DTX2: variants seen among roughly 807,000 people sequenced by gnomAD.
DTX2 encodes deltex E3 ubiquitin ligase 2, also known as probable E3 ubiquitin-protein ligase DTX2.
Under a neutral mutation model 55.3 loss-of-function variants are expected in DTX2, and 29 were observed. The observed-to-expected ratio is 0.52, with a 90% CI of 0.39 to 0.71. The LOEUF is 0.71. Ranked by LOEUF, DTX2 falls within the 30% of genes least tolerant of loss-of-function variation. The pLI is 0.00. For missense variants in DTX2, 537 were observed against 822.5 expected (o/e 0.65, Z 4.25); for synonymous variants, 276 against 340.4 (o/e 0.81, Z 2.08).
intron 2 of DTX2, chr7:76,474,496 ATCT>A (rs1237379892): frequency 1.3e-5 from 2 of 152,176 alleles, no homozygotes; most frequent in African/African-American, 4.8e-5. Flanking sequence ...AGTAGCTTTC[ATCT>A]TCTCTCGGGA....
In DTX2 at chr7:76,505,605, C is replaced by T. The variant is rs769059523; in HGVS notation, c.*4C>T. 5.6e-5 allele frequency: 85 copies of T among 1,529,494 alleles called. No homozygotes were observed. The highest frequency in any genetic ancestry group is 9.8e-5 in the East Asian group (4 of 40,912). The allele number at this position is 1,529,494 out of a possible 1,614,324, so 94.7% of individuals were successfully genotyped here. A position where few individuals can be genotyped will look rare whatever the true frequency, so the allele number is the denominator to read the frequency against. On this transcript the variant is annotated 3_prime_UTR_variant, in exon 11 of 11. Coordinates refer to ENST00000430490, the MANE Select transcript of DTX2 (RefSeq NM_001102594.3). This position sits in a 1 kb window ranked among gnomAD's most constrained non-coding sequence, Gnocchi z 4.4. ...GGACTGCCTGGAGCAGCAGTGACCTCGCACCCCAGCACGCCCGCCTCTGGT... is the reference window on the plus strand; with the variant it reads ...GGACTGCCTGGAGCAGCAGTGACCTTGCACCCCAGCACGCCCGCCTCTGGT...
At chr7:76,466,622 A>T (rs1584110567) in intron 2 of DTX2, among the ~76,000 whole-genome samples, 2 of 142,664 alleles carry the variant, frequency 1.4e-5, no homozygotes, top group African/African-American at 2.6e-5. Context: ...GCAGAGTTTC[A>T]CTCTTATTGC....
chr7:76,470,052 C>T, intron 2 of DTX2: 1 of 255,430 alleles, frequency 3.9e-6, no homozygotes. Flanking sequence ...CAATAATTTA[C>T]TTATTGAGAG....
intron 6 of DTX2, chr7:76,499,942 T>C: frequency 8.6e-6 from 3 of 349,086 alleles, no homozygotes; most frequent in South Asian, 6.3e-5. Flanking sequence ...GGACAGTGTC[T>C]GTGTGGCGGT....
Position 76,480,468 on chromosome 7 carries a change from G to A in DTX2, c.-42G>A, listed in dbSNP as rs1470548020. The stretch of plus-strand genomic sequence containing the variant: ...TGACCCCGGGACTCCAGGCCAGAGG[G>A]GTCTGAAGCTGTTTGGGAAAGCAGC... On this transcript the variant is annotated 5_prime_UTR_variant, in exon 3 of 11. Coordinates refer to ENST00000430490, the MANE Select transcript of DTX2 (RefSeq NM_001102594.3). 5 of 1,527,738 alleles carry A rather than the reference G, an allele frequency of 3.3e-6. No individual in the cohort carries two copies. Among genetic ancestry groups the A allele is most frequent in the Admixed American group, 2.1e-5 (1 of 47,760 alleles). 94.6% of individuals were successfully genotyped at this position (1,527,738 alleles called of 1,614,324 possible).
intron 2 of DTX2, among the ~76,000 whole-genome samples, chr7:76,468,132 C>T (rs1163990312): frequency 2.6e-5 from 4 of 152,296 alleles, no homozygotes; most frequent in Non-Finnish European, 5.9e-5. Context: ...AGAATGTTAT[C>T]AACGCCCGGT....
intron 3 of DTX2, among the ~76,000 whole-genome samples, chr7:76,481,698 C>T (rs1809238193): frequency 2.0e-5 from 3 of 151,832 alleles, no homozygotes; most frequent in African/African-American, 2.4e-5. Context: ...GGATGCTGCT[C>T]GCCATCCGGC....
intron 3 of DTX2, among the ~76,000 whole-genome samples, chr7:76,481,699 G>A (rs1026204108): frequency 3.3e-5 from 5 of 152,154 alleles, no homozygotes; most frequent in East Asian, 1.9e-4. Context: ...GATGCTGCTC[G>A]CCATCCGGCA....
chr7:76,491,802 G>GCAGCA (rs1241159244), intron 4 of DTX2, among the ~76,000 whole-genome samples: 1 of 112,160 alleles, frequency 8.9e-6, no homozygotes, highest in Non-Finnish European at 1.8e-5. Context: ...TCCTGCTTCA[G>GCAGCA]CCTCCCAAGT....
At chr7:76,463,083 A>G (rs1350960395) in intron 1 of DTX2, among the ~76,000 whole-genome samples, 8 of 117,992 alleles carry the variant, frequency 6.8e-5, no homozygotes, top group Non-Finnish European at 1.2e-4. Flanking sequence ...CAAAAAACAA[A>G]CAAACTAAAA....
At chr7:76,468,448 A>ATTTT (rs1202957368) in intron 2 of DTX2, among the ~76,000 whole-genome samples, 54 of 36,898 alleles carry the variant, frequency 1.5e-3, no homozygotes, top group South Asian at 4.4e-3. Flanking sequence ...GCCCACTGCC[A>ATTTT]TTTTTTTTTT....
At chr7:76,481,725 C>T (rs1207157730) in intron 3 of DTX2, among the ~76,000 whole-genome samples, 2 of 151,908 alleles carry the variant, frequency 1.3e-5, no homozygotes, top group Non-Finnish European at 2.9e-5. Flanking sequence ...CTGGGCTGGC[C>T]CTGCAGTAAG....
Position 76,482,850 on chromosome 7 carries a change from G to A in DTX2, c.611G>A (p.Gly204Asp). 1 of 1,613,732 alleles carries A rather than the reference G, an allele frequency of 6.2e-7. No individual in the cohort carries two copies. The highest frequency in any genetic ancestry group is 8.5e-7 in the Non-Finnish European group (1 of 1,179,698). ...VACSCHQCLS[G>D]SRTGPVSGRY... is the part of the protein sequence containing the mutation. ...TGCTCTTGCCACCAGTGCCTCAGTG[G>A]CAGCAGAACTGGCCCCGTGTCAGGC... Residue 204 changes from glycine (G) to aspartate (D), a missense_variant, in exon 4 of 11, where the codon GGC becomes GAC. This residue lies in a region of DTX2 where 301 missense variants were observed against 396.6 expected (regional missense o/e 0.76). Coordinates refer to ENST00000430490, the MANE Select transcript of DTX2 (RefSeq NM_001102594.3).
chr7:76,493,975 TAAA>T (rs1810656033), intron 5 of DTX2, among the ~76,000 whole-genome samples: 1 of 110,482 alleles, frequency 9.1e-6, no homozygotes, highest in East Asian at 2.6e-4. Context: ...TCGGAGAATT[TAAA>T]AATTCTCTGC....
intron 2 of DTX2, among the ~76,000 whole-genome samples, chr7:76,464,269 C>T (rs1289403591): frequency 6.7e-6 from 1 of 148,848 alleles, no homozygotes; most frequent in Non-Finnish European, 1.5e-5. Flanking sequence ...TCAGCGTTTG[C>T]AAAGTCATGA....
intron 2 of DTX2, among the ~76,000 whole-genome samples, chr7:76,475,408 C>T (rs1355616699): frequency 6.6e-6 from 1 of 150,542 alleles, no homozygotes; most frequent in Admixed American, 6.6e-5. Context: ...AAGAATAGCC[C>T]AGGTGCAGTG....
chr7:76,473,350 C>CTGGAAAGT (rs1161113732), intron 2 of DTX2, among the ~76,000 whole-genome samples: 1 of 149,196 alleles, frequency 6.7e-6, no homozygotes, highest in Non-Finnish European at 1.5e-5. Flanking sequence ...CCCAGGCCTC[C>CTGGAAAGT]TGGAAAGTGC....
At chr7:76,481,924 CT>C (rs1809275392) in intron 3 of DTX2, among the ~76,000 whole-genome samples, 2 of 151,422 alleles carry the variant, frequency 1.3e-5, no homozygotes, top group Non-Finnish European at 1.5e-5. Context: ...TCTTCAACTC[CT>C]GAGCTCAAGT....
chr7:76,464,926 T>G (rs1477658979), intron 2 of DTX2, among the ~76,000 whole-genome samples: 1 of 150,746 alleles, frequency 6.6e-6, no homozygotes, highest in Non-Finnish European at 1.5e-5. Flanking sequence ...CTTTTTGTTG[T>G]TGTTGTTTTG....
Sources: gnomAD v4.1 joint callset for allele counts (sites outside exome capture counted in the v4.1 genomes callset) on GRCh38, gnomAD v4.1.1 for gene constraint, gnomAD v4.1.1 regional missense constraint, Gnocchi (gnomAD v3.1) non-coding constraint, MANE v1.5 for transcripts, NCBI Gene and HGNC (gene_info 2026-07-23, HGNC 2026-07-21) for gene names.